SYNJ2: variants seen among roughly 807,000 people sequenced by gnomAD.
SYNJ2 encodes the protein polyphosphatidylinositol phosphatase SYNJ2.
SYNJ2 carries 116 observed loss-of-function variants against 141.3 expected under a neutral mutation model. The observed-to-expected ratio is 0.82, with a 90% CI of 0.71 to 0.96. The LOEUF (loss-of-function observed/expected upper bound fraction) is 0.96. Among genes scored for constraint, SYNJ2 ranks in the 40% least tolerant of loss-of-function variants. The pLI is 0.00. For missense variants in SYNJ2, 1,873 were observed against 1,934.8 expected (o/e 0.97, Z 0.60); for synonymous variants, 745 against 777.7 (o/e 0.96, Z 0.70).
chr6:157,995,837 A>G (rs1455367887), intron 1 of SYNJ2, among the ~76,000 whole-genome samples: 6 of 152,224 alleles, frequency 3.9e-5, no homozygotes, highest in African/African-American at 7.2e-5. Context: ...GCCATCATTA[A>G]TCAATTAGAG....
At chr6:158,052,720 A>G (rs1026435650) in intron 5 of SYNJ2, among the ~76,000 whole-genome samples, 1 of 152,180 alleles carries the variant, frequency 6.6e-6, no homozygotes, top group African/African-American at 2.4e-5. Flanking sequence ...ACCAGGCCCC[A>G]CCTCCAACAC....
intron 7 of SYNJ2, among the ~76,000 whole-genome samples, chr6:158,060,506 G>T (rs1781154621): frequency 6.6e-6 from 1 of 152,196 alleles, no homozygotes; most frequent in South Asian, 2.1e-4. Context: ...CCTCACTGGG[G>T]GTTAGGGCGA....
rs1781914980 is a variant in SYNJ2, at chr6:158,071,433, C to T, written c.1941-169C>T. Reference sequence around the variant, plus strand: ...CGGTGGGCAGCAGGAGGGAGGCGGCCTCCTGACCAGGAGTCGATGACGGCC... The same window carrying T: ...CGGTGGGCAGCAGGAGGGAGGCGGCTTCCTGACCAGGAGTCGATGACGGCC... On this transcript the variant is annotated intron_variant, in intron 14 of 26. Transcript: ENST00000355585. The surrounding 1 kb of genome is among the most constrained non-coding windows in gnomAD (Gnocchi z 4.3). 6.6e-6 allele frequency among the ~76,000 whole-genome samples: 1 copy of T among 152,052 alleles called. No individual in the cohort carries two copies. The highest frequency in any genetic ancestry group is 1.5e-5 in the Non-Finnish European group (1 of 68,002).
At chr6:158,023,958 C>T (rs1003458022) in intron 2 of SYNJ2, among the ~76,000 whole-genome samples, 3 of 152,104 alleles carry the variant, frequency 2.0e-5, no homozygotes, top group African/African-American at 7.2e-5. Context: ...ACAATGAAGC[C>T]CTTTCCATTC....
chr6:158,071,725 CG>C lies in SYNJ2; in HGVS notation c.2067del (p.Gln690SerfsTer4). 6.2e-7 allele frequency: 1 copy of C among 1,614,058 alleles called. No individual in the cohort carries two copies. The highest frequency in any genetic ancestry group is 8.5e-7 in the Non-Finnish European group (1 of 1,180,040). ...FCFICSHLTA[G>X]QSQVKERNED... is the part of the protein sequence containing the mutation. ...GCTTCATATGTAGTCACCTGACGGC[CG>C]GGCAGTCCCAGGTGAAGGAGCGGAA... On this transcript the variant is annotated frameshift_variant, in exon 15 of 27. Coordinates refer to ENST00000355585, the MANE Select transcript of SYNJ2 (RefSeq NM_003898.4). LOFTEE classifies it high-confidence loss of function. This position sits in a 1 kb window ranked among gnomAD's most constrained non-coding sequence, Gnocchi z 4.3.
At chr6:157,992,414 T>C (rs1777478878) in intron 1 of SYNJ2, among the ~76,000 whole-genome samples, 1 of 150,124 alleles carries the variant, frequency 6.7e-6, no homozygotes, top group East Asian at 1.9e-4. Context: ...TTTTTTTTTT[T>C]TTTTTTTTTC....
upstream of SYNJ2, chr6:157,981,775 C>A: frequency 2.2e-6 from 1 of 461,734 alleles, no homozygotes; most frequent in South Asian, 1.1e-4. The surrounding 1 kb of genome is among the most constrained non-coding windows in gnomAD (Gnocchi z 6.4). Context: ...CCTCACCTGC[C>A]CCAGGCTGGG....
At chr6:158,051,672 C>A (rs1192043834) in intron 5 of SYNJ2, among the ~76,000 whole-genome samples, 1 of 151,712 alleles carries the variant, frequency 6.6e-6, no homozygotes, top group African/African-American at 2.4e-5. Flanking sequence ...CCTGGCTGGG[C>A]ACAATGGCTC....
At chr6:158,029,168 C>T in intron 3 of SYNJ2, 142 bp downstream of exon 3, 1 of 1,122,680 alleles carries the variant, frequency 8.9e-7, no homozygotes, top group East Asian at 2.5e-5. Flanking sequence ...CCCAGGCCTG[C>T]TCTCAGCACA....
intron 3 of SYNJ2, chr6:158,029,523 C>G (rs1336806525): frequency 2.0e-5 from 3 of 153,498 alleles, no homozygotes; most frequent in Non-Finnish European, 4.3e-5. Context: ...CAAGATGGTG[C>G]TACTACACTC....
At chr6:158,090,542 G>GTT (rs58356198) in intron 25 of SYNJ2, among the ~76,000 whole-genome samples, 4,614 of 113,514 alleles carry the variant, frequency 0.041, 188 homozygotes, top group Admixed American at 0.056. Flanking sequence ...TTTTTTTTTT[G>GTT]TTTTTTTTTT....
chr6:158,024,246 G>A (rs1173535618), intron 2 of SYNJ2, among the ~76,000 whole-genome samples: 3 of 152,168 alleles, frequency 2.0e-5, no homozygotes, highest in Non-Finnish European at 2.9e-5. Context: ...TCAACATGGT[G>A]AAACCCCATC....
chr6:158,011,274 G>A (rs1009116896), intron 1 of SYNJ2, among the ~76,000 whole-genome samples: 2 of 152,106 alleles, frequency 1.3e-5, no homozygotes, highest in Admixed American at 6.5e-5. Context: ...GGAGGTCCCC[G>A]GCTCCAGGTA....
In SYNJ2 at chr6:158,098,623, A is replaced by G. The variant is rs1053309989; in HGVS notation, c.*2259A>G. The G allele has an allele frequency of 6.6e-6, 1 of 152,072 alleles. No individual in the cohort carries two copies. Among genetic ancestry groups the G allele is most frequent in the Non-Finnish European group, 1.5e-5 (1 of 68,012 alleles). The allele number at this position is 152,072 out of a possible 1,614,324, so 9.4% of individuals were successfully genotyped here. On this transcript the variant is annotated 3_prime_UTR_variant, in exon 27 of 27. Coordinates refer to ENST00000355585, the MANE Select transcript of SYNJ2 (RefSeq NM_003898.4). ...TTGGTAGGATTCCCAGGTCAGCAGC[A>G]GGGTTGATTAAATAATCTTGACAAT...
intron 13 of SYNJ2, 96 bp from the exon 14 acceptor site, chr6:158,069,437 G>A: frequency 1.4e-6 from 2 of 1,449,930 alleles, no homozygotes; most frequent in Non-Finnish European, 1.9e-6. Context: ...AATCAGTTCT[G>A]CAAACAGAAT....
Position 158,084,097 on chromosome 6 carries a change from T to C in SYNJ2, c.3131T>C (p.Val1044Ala). The C allele has an allele frequency of 6.2e-7, 1 of 1,614,114 alleles. No individual in the cohort carries two copies. Among genetic ancestry groups the C allele is most frequent in the Non-Finnish European group, 8.5e-7 (1 of 1,180,018 alleles). The change falls in exon 22 of 27, where the codon GTC becomes GCC. Residue 1044 changes from valine (V) to alanine (A), a missense_variant. Transcript: ENST00000355585. This position sits in a 1 kb window ranked among gnomAD's most constrained non-coding sequence, Gnocchi z 5.0. ...SELGGDDLSD[V>A]PGPTALAPPS... ...CTCGGGGGAGACGACCTCTCTGATGTCCCCGGCCCCACAGCACTGGCTCCT... is the reference window on the plus strand; with the variant it reads ...CTCGGGGGAGACGACCTCTCTGATGCCCCCGGCCCCACAGCACTGGCTCCT...
chr6:157,987,955 G>T (rs892924328), intron 1 of SYNJ2, among the ~76,000 whole-genome samples: 1 of 152,208 alleles, frequency 6.6e-6, no homozygotes. Context: ...TGGTGAGCTC[G>T]GGAGGACAAG....
upstream of SYNJ2, chr6:157,981,762 C>A (rs1583268463): frequency 2.5e-5 from 10 of 400,640 alleles, no homozygotes; most frequent in East Asian, 4.4e-4. This position sits in a 1 kb window ranked among gnomAD's most constrained non-coding sequence, Gnocchi z 6.4. Flanking sequence ...GGCGGCGGCG[C>A]GCCCTCACCT....
At chr6:158,032,295 T>G (rs1443508141) in intron 3 of SYNJ2, among the ~76,000 whole-genome samples, 1 of 152,218 alleles carries the variant, frequency 6.6e-6, no homozygotes, top group Non-Finnish European at 1.5e-5. Flanking sequence ...AGCACAGATT[T>G]CCAGCAATGA....
Sources: gnomAD v4.1 joint callset for allele counts (sites outside exome capture counted in the v4.1 genomes callset) on GRCh38, gnomAD v4.1.1 for gene constraint, Gnocchi (gnomAD v3.1) non-coding constraint, MANE v1.5 for transcripts, NCBI Gene and HGNC (gene_info 2026-07-23, HGNC 2026-07-21) for gene names.